HYCC1: variants seen among roughly 807,000 people sequenced by gnomAD.
HYCC1 encodes the protein hyccin PI4KA lipid kinase complex subunit 1, also known as hyccin.
the HYCC1 span, among the ~76,000 whole-genome samples, chr7:22,991,999 T>G: frequency 6.6e-6 from 1 of 151,924 alleles, no homozygotes; most frequent in South Asian, 2.1e-4. Flanking sequence ...TTTGCCTTAC[T>G]TTTTTTTAAT....
At chr7:22,944,818 G>A in the HYCC1 span, 2 of 152,380 alleles carry the variant, frequency 1.3e-5, no homozygotes, top group African/African-American at 4.8e-5. Context: ...AATTGAAAGG[G>A]ATCTTCACAT....
chr7:22,957,394 T>C, the HYCC1 span, among the ~76,000 whole-genome samples: 1 of 148,662 alleles, frequency 6.7e-6, no homozygotes. Flanking sequence ...CCAGAAAAGA[T>C]AGAAAGAGGA....
At chr7:22,976,911 A>G in the HYCC1 span, 258,689 of 722,626 alleles carry the variant, frequency 0.36, 47,181 homozygotes, top group East Asian at 0.48. Context: ...CGAACATCAT[A>G]TATCTTAAAC....
the HYCC1 span, among the ~76,000 whole-genome samples, chr7:22,907,104 C>CAAAAAAAAAAAAA: frequency 6.2e-4 from 27 of 43,546 alleles, 2 homozygotes; most frequent in African/African-American, 2.1e-3. Flanking sequence ...GACTCTATCT[C>CAAAAAAAAAAAAA]AAAAAAAAAA....
the HYCC1 span, among the ~76,000 whole-genome samples, chr7:22,980,742 G>T: frequency 6.6e-6 from 1 of 152,068 alleles, no homozygotes; most frequent in Non-Finnish European, 1.5e-5. Context: ...TACTGGTACC[G>T]GACCTCTCCA....
the HYCC1 span, chr7:22,961,164 G>GCTTT: frequency 2.2e-6 from 2 of 914,144 alleles, no homozygotes; most frequent in Non-Finnish European, 3.7e-6. Flanking sequence ...ACTATGAATG[G>GCTTT]CTCTCAATTT....
the HYCC1 span, among the ~76,000 whole-genome samples, chr7:23,011,169 ATTC>A: frequency 1.1e-4 from 17 of 152,124 alleles, no homozygotes; most frequent in South Asian, 3.1e-3. Flanking sequence ...CTTTCAGACA[ATTC>A]TTCTTCCTAC....
At chr7:23,010,031 G>C in the HYCC1 span, among the ~76,000 whole-genome samples, 1 of 152,110 alleles carries the variant, frequency 6.6e-6, no homozygotes, top group Non-Finnish European at 1.5e-5. Context: ...TGATGCCAGG[G>C]ATCTCAGGCT....
At chr7:22,947,742 T>G in the HYCC1 span, among the ~76,000 whole-genome samples, 8 of 14,464 alleles carry the variant, frequency 5.5e-4, no homozygotes, top group African/African-American at 1.4e-3. Context: ...TAAAATTCTA[T>G]TTTTTATGAG....
At chr7:23,003,515 A>G in the HYCC1 span, among the ~76,000 whole-genome samples, 4 of 152,254 alleles carry the variant, frequency 2.6e-5, no homozygotes, top group African/African-American at 9.6e-5. Context: ...TCATTTTGCT[A>G]TCAATAACCC....
the HYCC1 span, among the ~76,000 whole-genome samples, chr7:22,965,129 A>AT: frequency 1.2e-3 from 105 of 84,724 alleles, no homozygotes; most frequent in East Asian, 0.028. Flanking sequence ...GTGAGATTCC[A>AT]TTAAAAAAAA....
At chr7:22,966,679 A>G in the HYCC1 span, among the ~76,000 whole-genome samples, 2 of 152,212 alleles carry the variant, frequency 1.3e-5, no homozygotes, top group Non-Finnish European at 2.9e-5. Context: ...CCTAGAACTT[A>G]AAGTTATTTC....
At chr7:22,940,000 T>G in the HYCC1 span, 1 of 152,190 alleles carries the variant, frequency 6.6e-6, no homozygotes, top group Non-Finnish European at 1.5e-5. Flanking sequence ...AAAGTCGGGT[T>G]GTAGGAGGTG....
chr7:22,955,139 G>T, the HYCC1 span, among the ~76,000 whole-genome samples: 1 of 151,420 alleles, frequency 6.6e-6, no homozygotes. Flanking sequence ...ATTATATAAC[G>T]TGTATTTTTG....
At chr7:22,916,650 T>C in the HYCC1 span, among the ~76,000 whole-genome samples, 6 of 152,162 alleles carry the variant, frequency 3.9e-5, no homozygotes, top group Admixed American at 6.6e-5. Flanking sequence ...TGATATTCAC[T>C]CCATTTCCCC....
chr7:22,905,395 T>C, the HYCC1 span, among the ~76,000 whole-genome samples: 1 of 139,838 alleles, frequency 7.2e-6, no homozygotes. Flanking sequence ...TATTTTTTTT[T>C]TTTTTTTTTT....
chr7:22,956,264 T>A, the HYCC1 span, among the ~76,000 whole-genome samples: 1 of 151,902 alleles, frequency 6.6e-6, no homozygotes, highest in East Asian at 1.9e-4. Context: ...TTAAACACAA[T>A]ACGCATAAAA....
chr7:22,966,609 TTAATA>T, the HYCC1 span, among the ~76,000 whole-genome samples: 17 of 152,244 alleles, frequency 1.1e-4, no homozygotes, highest in Admixed American at 1.0e-3. Context: ...TGAGCTTCAC[TTAATA>T]TAATACTAGC....
At chr7:22,959,578 G>C in the HYCC1 span, among the ~76,000 whole-genome samples, 1 of 151,952 alleles carries the variant, frequency 6.6e-6, no homozygotes, top group Non-Finnish European at 1.5e-5. Context: ...TAACTTCTAG[G>C]TAGGAGGGAA....
Sources: allele counts gnomAD v4.1 joint callset (sites outside exome capture counted in the v4.1 genomes callset), GRCh38; gene constraint gnomAD v4.1.1; transcripts MANE v1.5; gene names NCBI Gene and HGNC (gene_info 2026-07-23, HGNC 2026-07-21).